The following KIAA0319 variants were observed in gnomAD, a reference collection of about 807,000 sequenced individuals.
KIAA0319 encodes KIAA0319, also known as dyslexia-associated protein KIAA0319.
A neutral mutation model predicts 108.4 loss-of-function variants in KIAA0319; 83 were observed. The ratio of observed to expected loss-of-function variants is 0.77; its 90% CI spans 0.64 to 0.92. The LOEUF is 0.92. Among genes scored for constraint, KIAA0319 ranks in the 40% least tolerant of loss-of-function variants. KIAA0319 has a pLI of 0.00. For synonymous variants in KIAA0319, 484 were observed against 510.4 expected (o/e 0.95, Z 0.70); for missense variants, 1,195 against 1,322.4 (o/e 0.90, Z 1.49).
Position 24,596,193 on chromosome 6 carries a change from G to C in KIAA0319, c.481C>G (p.Arg161Gly), listed in dbSNP as rs139300467. 1 of 1,614,106 alleles carries C rather than the reference G, an allele frequency of 6.2e-7. No individual in the cohort carries two copies. The highest frequency in any genetic ancestry group is 1.1e-5 in the South Asian group (1 of 91,082). Residue 161 changes from arginine to glycine, a missense_variant, in exon 3 of 21, where the codon CGG (arginine) becomes GGG (glycine). Transcript: ENST00000378214. ...EEMSEYSDDY[R>G]ELEKDLLQPS... ...TGCAAGAGGTCCTTCTCCAGCTCCC[G>C]GTAGTCATCTGAGTACTCAGACATC...
At chr6:24,585,968 A>T (rs1257524224) in intron 4 of KIAA0319, among the ~76,000 whole-genome samples, 1 of 152,206 alleles carries the variant, frequency 6.6e-6, no homozygotes, top group African/African-American at 2.4e-5. Flanking sequence ...GGGTGCCTGT[A>T]ATCCCAGTTA....
rs138160539 is a variant in KIAA0319, at chr6:24,568,813, C to T, written c.2108G>A (p.Ser703Asn). Residue 703 changes from serine to asparagine, a missense_variant, in exon 13 of 21, where the codon AGC (serine) becomes AAC (asparagine). By Grantham distance (46) the Ser-to-Asn change is conservative. Transcript: ENST00000378214. Reference protein sequence around the residue: ...LTVKDQQGLSSTSTLTVAVKK... With the variant: ...LTVKDQQGLSNTSTLTVAVKK... ...CACAGCCACAGTGAGGGTGGACGTG[C>T]TGCTCAGTCCCTGCTGGTCTTTCAC... 2,399 of 1,614,178 alleles carry T rather than the reference C, an allele frequency of 1.5e-3. 4 individuals carry two copies. Among genetic ancestry groups the T allele is most frequent in the Admixed American group, 3.6e-3 (218 of 60,028 alleles).
At chr6:24,570,306 T>C (rs1163910164) in intron 11 of KIAA0319, among the ~76,000 whole-genome samples, 8 of 152,048 alleles carry the variant, frequency 5.3e-5, no homozygotes. Context: ...AGATCCTCAG[T>C]CGGCCGGGCA....
chr6:24,645,730 C>G lies in KIAA0319; in HGVS notation c.-106+6G>C, dbSNP rs1302840567. 6.6e-6 allele frequency: 1 copy of G among 152,366 alleles called. No homozygotes were observed. Among genetic ancestry groups the G allele is most frequent in the Non-Finnish European group, 1.5e-5 (1 of 68,324 alleles). 9.4% of individuals were successfully genotyped at this position (152,366 alleles called of 1,614,324 possible). ...GGCCAGGCGCTCTGGGAAGTAGATA[C>G]CGTACCTGTGGTCACTGCTGGCGAC... On this transcript the variant is annotated splice_donor_region_variant and intron_variant, in intron 1 of 20. Transcript: ENST00000378214.
At chr6:24,551,595 A>C in intron 19 of KIAA0319, 70 bp from the exon 20 acceptor site, 1 of 1,055,826 alleles carries the variant, frequency 9.5e-7, no homozygotes, top group Non-Finnish European at 1.5e-6. Flanking sequence ...TTTAACGCAC[A>C]GTAAAGACAC....
At position 24,588,716 on chromosome 6, in the gene KIAA0319, G is replaced by C; in HGVS notation, c.871C>G (p.Pro291Ala). 1.2e-6 allele frequency: 2 copies of C among 1,613,928 alleles called. No individual in the cohort carries two copies. The highest frequency in any genetic ancestry group is 1.7e-6 in the Non-Finnish European group (2 of 1,179,972). Residue 291 changes from proline to alanine, a missense_variant, in exon 4 of 21, where the codon CCA becomes GCA. Transcript: ENST00000378214. ...ELSSVTVEKS[P>A]VLTVTPGSTE... is the part of the protein sequence containing the mutation. Reference sequence around the variant, plus strand: ...CTCCCCGGGGTGACTGTGAGCACTGGGCTTTTCTCCACGGTGACTGAGCTG... The same window carrying C: ...CTCCCCGGGGTGACTGTGAGCACTGCGCTTTTCTCCACGGTGACTGAGCTG...
At chr6:24,565,104 T>A (rs1197726431) in intron 14 of KIAA0319, among the ~76,000 whole-genome samples, 1 of 151,666 alleles carries the variant, frequency 6.6e-6, no homozygotes, top group African/African-American at 2.4e-5. Context: ...TACAAAAAAA[T>A]TAGACAGGCG....
At chr6:24,594,642 CAA>C (rs1554164544) in intron 3 of KIAA0319, among the ~76,000 whole-genome samples, 3 of 54,428 alleles carry the variant, frequency 5.5e-5, no homozygotes, top group African/African-American at 1.0e-4. Flanking sequence ...AAAAAAACAA[CAA>C]AAAAAAAAAA....
chr6:24,547,483 G>A, intron 20 of KIAA0319, 140 bp from the exon 21 acceptor site: 5 of 697,810 alleles, frequency 7.2e-6, no homozygotes, highest in Non-Finnish European at 1.2e-5. Context: ...ACAGCAGGCG[G>A]TTTGGGTTTC....
chr6:24,640,936 G>A (rs1776833710), intron 1 of KIAA0319, among the ~76,000 whole-genome samples: 1 of 152,142 alleles, frequency 6.6e-6, no homozygotes, highest in Non-Finnish European at 1.5e-5. Flanking sequence ...TTACAGGCAT[G>A]AGACACTGCA....
At chr6:24,555,932 C>T (rs1449833650) in intron 18 of KIAA0319, among the ~76,000 whole-genome samples, 1 of 152,128 alleles carries the variant, frequency 6.6e-6, no homozygotes, top group African/African-American at 2.4e-5. Context: ...TTAGAAATGC[C>T]AGCAATAGTG....
chr6:24,582,962 T>G (rs183639868), intron 5 of KIAA0319: 157 of 454,916 alleles, frequency 3.5e-4, no homozygotes, highest in African/African-American at 2.9e-3. Context: ...TATTATCATC[T>G]CTGTGTATAA....
Position 24,639,145 on chromosome 6 carries a change from G to GA in KIAA0319, c.-106+6590dup, listed in dbSNP as rs1387682256. On this transcript the variant is annotated intron_variant, in intron 1 of 20. Coordinates refer to ENST00000378214, the MANE Select transcript of KIAA0319 (RefSeq NM_014809.4). ...AAACAATTTTCTAGAATTGATGAAA[G>GA]AAAAAAAAATCCTTATATCCAGAGA... Among the ~76,000 whole-genome samples, 8 of 151,122 alleles carry GA rather than the reference G, an allele frequency of 5.3e-5. No individual in the cohort carries two copies. The East Asian group carries it at 5.8e-4, about 11-fold the overall frequency.
chr6:24,621,599 C>T (rs929158190), intron 1 of KIAA0319, among the ~76,000 whole-genome samples: 10 of 152,184 alleles, frequency 6.6e-5, no homozygotes, highest in Non-Finnish European at 1.3e-4. Flanking sequence ...TCTCCTCTTT[C>T]CTGTGCATGG....
At chr6:24,603,674 C>T (rs1770984152) in intron 1 of KIAA0319, among the ~76,000 whole-genome samples, 1 of 152,080 alleles carries the variant, frequency 6.6e-6, no homozygotes, top group Non-Finnish European at 1.5e-5. Flanking sequence ...GAGGGAAACA[C>T]CCCGACAGAT....
chr6:24,560,401 G>A (rs934705212), intron 16 of KIAA0319, among the ~76,000 whole-genome samples: 5 of 152,206 alleles, frequency 3.3e-5, no homozygotes, highest in Non-Finnish European at 5.9e-5. Context: ...CATCCTAGCA[G>A]GTGTGAAGTG....
At chr6:24,540,467 T>A (rs1760161120), downstream of KIAA0319, among the ~76,000 whole-genome samples, 1 of 152,200 alleles carries the variant, frequency 6.6e-6, no homozygotes, top group Non-Finnish European at 1.5e-5. Context: ...TAAGCCTATG[T>A]GCTCTCTTCC....
intron 1 of KIAA0319, among the ~76,000 whole-genome samples, chr6:24,611,189 T>G (rs1772263709): frequency 6.6e-6 from 1 of 151,614 alleles, no homozygotes; most frequent in South Asian, 2.1e-4. Context: ...TTTTTTTTTT[T>G]GAAGTAATGA....
chr6:24,586,970 A>AC (rs969558987), intron 4 of KIAA0319, among the ~76,000 whole-genome samples: 1 of 150,162 alleles, frequency 6.7e-6, no homozygotes. Flanking sequence ...TCCTCAGCTA[A>AC]CCCCCCTCTC....
Sources: gnomAD v4.1 joint callset for allele counts (sites outside exome capture counted in the v4.1 genomes callset) on GRCh38, gnomAD v4.1.1 for gene constraint, MANE v1.5 for transcripts, NCBI Gene and HGNC (gene_info 2026-07-23, HGNC 2026-07-21) for gene names.